AKAP13: variants seen among roughly 807,000 people sequenced by gnomAD.
The protein encoded by AKAP13 is A-kinase anchor protein 13.
Under a neutral mutation model 264.5 loss-of-function variants are expected in AKAP13, and 80 were observed. The observed-to-expected ratio is 0.30, with a 90% CI of 0.25 to 0.36. The LOEUF is 0.36. AKAP13 is among the 10% of genes least tolerant of loss of function. AKAP13 has a pLI of 1.00. For missense variants in AKAP13, 3,712 were observed against 3,435.2 expected (o/e 1.08, Z -2.01); for synonymous variants, 1,380 against 1,250.2 (o/e 1.10, Z -2.19).
In AKAP13 at chr15:85,745,366, A is replaced by G. The variant is rs1223345203; in HGVS notation, c.*689A>G. 6.6e-6 allele frequency: 1 copy of G among 151,910 alleles called. No homozygotes were observed. The highest frequency in any genetic ancestry group is 2.4e-5 in the African/African-American group (1 of 41,338). The allele number at this position is 151,910 out of a possible 1,614,324, so 9.4% of individuals were successfully genotyped here. A position where few individuals can be genotyped will look rare whatever the true frequency, so the allele number is the denominator to read the frequency against. ...CAGTGAGAGAAGGCTTGATGTGTAT[A>G]AAAGACGTGATGTGCACCACCTCGA... On this transcript the variant is annotated 3_prime_UTR_variant, in exon 37 of 37. Transcript: ENST00000394518.
chr15:85,603,592 A>G (rs2080189568), intron 8 of AKAP13, among the ~76,000 whole-genome samples: 1 of 152,226 alleles, frequency 6.6e-6, no homozygotes, highest in African/African-American at 2.4e-5. Flanking sequence ...CATGGACTTT[A>G]CAGTCTGTCT....
intron 1 of AKAP13, among the ~76,000 whole-genome samples, chr15:85,400,696 A>C (rs1805582485): frequency 6.6e-6 from 1 of 152,030 alleles, no homozygotes; most frequent in African/African-American, 2.4e-5. Context: ...AGGAAGTTGT[A>C]AGTCAGGTAG....
At chr15:85,671,061 T>C (rs2083898952) in intron 14 of AKAP13, 2 of 152,084 alleles carry the variant, frequency 1.3e-5, no homozygotes, top group East Asian at 1.9e-4. Context: ...TGATACATTA[T>C]GTTCTTTGCT....
chr15:85,539,314 G>C (rs1394776810), intron 4 of AKAP13, among the ~76,000 whole-genome samples: 1 of 152,092 alleles, frequency 6.6e-6, no homozygotes, highest in Admixed American at 6.5e-5. Flanking sequence ...TTTGTTACAA[G>C]GTTACAGGTC....
chr15:85,410,148 C>T (rs749730992), intron 1 of AKAP13, among the ~76,000 whole-genome samples: 9 of 151,328 alleles, frequency 5.9e-5, no homozygotes, highest in Non-Finnish European at 1.3e-4. Flanking sequence ...TGAGTAATGT[C>T]TCCTTCCTTT....
At position 85,726,945 on chromosome 15, in the gene AKAP13, C is replaced by G. The variant is rs2087654883; in HGVS notation, c.6823-121C>G. 4.9e-6 allele frequency: 5 copies of G among 1,015,318 alleles called. No homozygotes were observed. In the Admixed American group the frequency reaches 1.2e-4, roughly 24 times the overall value. The allele number at this position is 1,015,318 out of a possible 1,614,324, so 62.9% of individuals were successfully genotyped here. The stretch of plus-strand genomic sequence containing the variant: ...GATACTTCTCTTTATCCTAAAGTAG[C>G]CCTTGTTTTTCAAACTATGTGCTTT... On this transcript the variant is annotated intron_variant, in intron 27 of 36. Transcript: ENST00000394518.
In AKAP13 at chr15:85,741,241, G is replaced by C; in HGVS notation, c.7804G>C (p.Glu2602Gln). 1 of 1,609,096 alleles carries C rather than the reference G, an allele frequency of 6.2e-7. No homozygotes were observed. Among genetic ancestry groups the C allele is most frequent in the South Asian group, 1.1e-5 (1 of 90,464 alleles). ...AQYLEEKRRR[E>Q]REWEAREREL... ...GTACCTCGAGGAGAAGCGCAGGCGCGAGCGTGAGTGGGAAGCTCGTGAGAG... is the reference window on the plus strand; with the variant it reads ...GTACCTCGAGGAGAAGCGCAGGCGCCAGCGTGAGTGGGAAGCTCGTGAGAG... The change falls in exon 35 of 37, where the codon GAG (glutamate) becomes CAG (glutamine). Residue 2602 changes from glutamate (E) to glutamine (Q), a missense_variant. Coordinates refer to ENST00000394518, the MANE Select transcript of AKAP13 (RefSeq NM_007200.5).
chr15:85,519,901 A>G (rs1447797567), intron 2 of AKAP13, among the ~76,000 whole-genome samples: 1 of 152,192 alleles, frequency 6.6e-6, no homozygotes, highest in African/African-American at 2.4e-5. Context: ...GTTGGCTTTA[A>G]TTGTTGCTAA....
intron 16 of AKAP13, among the ~76,000 whole-genome samples, chr15:85,692,325 C>T (rs1029350618): frequency 2.0e-5 from 3 of 152,088 alleles, no homozygotes; most frequent in Non-Finnish European, 2.9e-5. Context: ...AGGCACTGTG[C>T]AAAATGCTTT....
chr15:85,685,774 G>T (rs1030832378), intron 16 of AKAP13, among the ~76,000 whole-genome samples: 1 of 152,054 alleles, frequency 6.6e-6, no homozygotes, highest in Non-Finnish European at 1.5e-5. Flanking sequence ...GTGATCCACC[G>T]TGCCCAGCCT....
intron 4 of AKAP13, among the ~76,000 whole-genome samples, chr15:85,539,647 C>T (rs780638042): frequency 1.3e-5 from 2 of 152,132 alleles, no homozygotes; most frequent in Non-Finnish European, 2.9e-5. Context: ...CTACTAGGCA[C>T]ATCAACTTTT....
chr15:85,664,165 C>G (rs554609879), intron 12 of AKAP13, among the ~76,000 whole-genome samples: 1 of 152,110 alleles, frequency 6.6e-6, no homozygotes, highest in African/African-American at 2.4e-5. Flanking sequence ...TACTTAAGCT[C>G]GTATTTTCTC....
chr15:85,624,657 C>G (rs2081333206), intron 8 of AKAP13: 2 of 152,172 alleles, frequency 1.3e-5, no homozygotes, highest in African/African-American at 4.8e-5. Flanking sequence ...GGCAGGATCT[C>G]CTGAGACAGT....
chr15:85,658,400 C>A, intron 11 of AKAP13, 137 bp from the exon 12 acceptor site: 2 of 618,728 alleles, frequency 3.2e-6, no homozygotes, highest in Non-Finnish European at 5.4e-6. Context: ...TCTCATTCCA[C>A]ATTCCTTCAT....
chr15:85,740,971 T>C, intron 34 of AKAP13, 75 bp from the exon 35 acceptor site: 1 of 1,521,464 alleles, frequency 6.6e-7, no homozygotes, highest in Non-Finnish European at 8.8e-7. Flanking sequence ...CCCCCTGCTG[T>C]GGGGTCGGGA....
chr15:85,532,151 GTACT>G (rs1434313734), intron 3 of AKAP13, among the ~76,000 whole-genome samples: 2 of 152,186 alleles, frequency 1.3e-5, no homozygotes, highest in Non-Finnish European at 2.9e-5. Flanking sequence ...CGTGTGCTAG[GTACT>G]TGCTTGGTAA....
At chr15:85,473,253 G>T (rs572696674) in intron 1 of AKAP13, among the ~76,000 whole-genome samples, 2 of 152,184 alleles carry the variant, frequency 1.3e-5, no homozygotes, top group Admixed American at 6.6e-5. Context: ...GCGCGGGTGT[G>T]GGGGTGGGAG....
chr15:85,649,552 G>A (rs945946403), intron 10 of AKAP13, among the ~76,000 whole-genome samples: 4 of 152,156 alleles, frequency 2.6e-5, no homozygotes, highest in Non-Finnish European at 4.4e-5. Context: ...ACCATGAGTG[G>A]TACATGAGGT....
chr15:85,710,198 G>T (rs575810879), intron 18 of AKAP13, among the ~76,000 whole-genome samples: 16 of 152,216 alleles, frequency 1.1e-4, no homozygotes, highest in African/African-American at 3.1e-4. Flanking sequence ...TGCCCTTAAG[G>T]CACCAGCAAT....
Sources: allele counts gnomAD v4.1 joint callset (sites outside exome capture counted in the v4.1 genomes callset), GRCh38; gene constraint gnomAD v4.1.1; transcripts MANE v1.5; gene names NCBI Gene and HGNC (gene_info 2026-07-23, HGNC 2026-07-21).